Variants in RABGAP1L observed in about 807,000 individuals in gnomAD.
RABGAP1L encodes rab GTPase-activating protein 1-like.
A neutral mutation model predicts 137.7 loss-of-function variants in RABGAP1L; 63 were observed. The ratio of observed to expected loss-of-function variants is 0.46; its 90% CI spans 0.37 to 0.56. The LOEUF (loss-of-function observed/expected upper bound fraction) is 0.56. RABGAP1L is among the 20% of genes least tolerant of loss of function. The pLI, the probability that RABGAP1L is intolerant of heterozygous loss-of-function variation, is 0.00. For synonymous variants in RABGAP1L, 431 were observed against 433.7 expected (o/e 0.99, Z 0.08); for missense variants, 1,095 against 1,244.0 (o/e 0.88, Z 1.80).
At chr1:174,613,578 T>G (rs917857949) in intron 13 of RABGAP1L, among the ~76,000 whole-genome samples, 5 of 152,162 alleles carry the variant, frequency 3.3e-5, no homozygotes, top group Non-Finnish European at 5.9e-5. Context: ...TAGGTCTGCT[T>G]GGTGCAGAGC....
chr1:174,287,125 G>T (rs1380628516), intron 10 of RABGAP1L, among the ~76,000 whole-genome samples: 1 of 151,978 alleles, frequency 6.6e-6, no homozygotes, highest in Non-Finnish European at 1.5e-5. Flanking sequence ...GTCAAGAGTG[G>T]CATAATAAAG....
chr1:174,851,355 G>C (rs781005204), intron 19 of RABGAP1L, among the ~76,000 whole-genome samples: 4 of 152,168 alleles, frequency 2.6e-5, no homozygotes, highest in Non-Finnish European at 4.4e-5. Context: ...TCAGCCAGAG[G>C]CTGCATCGTT....
intron 11 of RABGAP1L, among the ~76,000 whole-genome samples, chr1:174,364,948 G>T (rs1037230653): frequency 1.3e-5 from 2 of 152,140 alleles, no homozygotes; most frequent in Non-Finnish European, 2.9e-5. Flanking sequence ...TGGAATTGAG[G>T]CCTCACGACT....
At chr1:174,622,937 T>C (rs368373448) in intron 13 of RABGAP1L, among the ~76,000 whole-genome samples, 7 of 152,200 alleles carry the variant, frequency 4.6e-5, no homozygotes, top group East Asian at 1.9e-4. Context: ...TGCATTCACT[T>C]TTCTTTGAAG....
At chr1:174,727,921 A>T (rs1340847340) in intron 17 of RABGAP1L, among the ~76,000 whole-genome samples, 2 of 152,324 alleles carry the variant, frequency 1.3e-5, no homozygotes, top group Middle Eastern at 3.4e-3. Context: ...ATTTCTTTGT[A>T]GAAGAGGAAA....
intron 19 of RABGAP1L, among the ~76,000 whole-genome samples, chr1:174,908,133 G>A (rs1225422571): frequency 6.6e-6 from 1 of 152,196 alleles, no homozygotes; most frequent in Non-Finnish European, 1.5e-5. Context: ...TTTGCACTCA[G>A]CACCAGAGTT....
At position 174,231,291 on chromosome 1, in the gene RABGAP1L, T is replaced by C. The variant is rs761398648; in HGVS notation, c.478T>C (p.Ser160Pro). ...TTTACGGGCAATGGCAACCATGAAA[T>C]CTTCCAGTCAATACCCCTTTCCTGT... ...EALRAMATMK[S>P]SSQYPFPVTL... is the part of the protein sequence containing the mutation. The change falls in exon 4 of 26, where the codon TCT becomes CCT. Residue 160 changes from serine (S) to proline (P), a missense_variant. By Grantham distance (74) the Ser-to-Pro change is moderately conservative. Around this residue, in one of 4 missense-constraint regions of RABGAP1L, gnomAD observed 356 missense variants for 326.3 expected, o/e 1.09. Coordinates refer to ENST00000681986, the MANE Select transcript of RABGAP1L (RefSeq NM_001366446.1). The C allele has an allele frequency of 1.2e-6, 2 of 1,614,162 alleles. No homozygotes were observed. Among genetic ancestry groups the C allele is most frequent in the East Asian group, 4.5e-5 (2 of 44,868 alleles).
chr1:174,955,904 A>C (rs1196703011), intron 19 of RABGAP1L, among the ~76,000 whole-genome samples: 1 of 152,248 alleles, frequency 6.6e-6, no homozygotes, highest in Admixed American at 6.5e-5. Context: ...CAACATAGCC[A>C]GACCCCATCT....
chr1:174,161,979 C>G (rs140446412), intron 1 of RABGAP1L, among the ~76,000 whole-genome samples: 3 of 151,814 alleles, frequency 2.0e-5, no homozygotes, highest in African/African-American at 7.3e-5. Context: ...GCAGTCCTTG[C>G]GCCTCAGCCT....
chr1:174,796,621 A>T (rs925585819), intron 18 of RABGAP1L, among the ~76,000 whole-genome samples: 1 of 152,152 alleles, frequency 6.6e-6, no homozygotes, highest in Admixed American at 6.6e-5. Context: ...TGATGGGGAA[A>T]CTGAAGTACA....
intron 18 of RABGAP1L, among the ~76,000 whole-genome samples, chr1:174,759,672 A>C (rs1349406290): frequency 2.0e-5 from 3 of 152,196 alleles, no homozygotes; most frequent in Non-Finnish European, 4.4e-5. Context: ...TAGTACTGAT[A>C]TCTGCTTCTG....
chr1:174,824,460 A>C (rs988726608), intron 19 of RABGAP1L, among the ~76,000 whole-genome samples: 1 of 151,938 alleles, frequency 6.6e-6, no homozygotes, highest in Non-Finnish European at 1.5e-5. Context: ...GTGCCACTGC[A>C]CTCTGGCCTG....
chr1:174,328,154 A>C (rs1287016005), intron 11 of RABGAP1L, among the ~76,000 whole-genome samples: 1 of 151,472 alleles, frequency 6.6e-6, no homozygotes, highest in Non-Finnish European at 1.5e-5. Context: ...ACAGAAAATT[A>C]ACATAGAAAA....
At chr1:174,413,211 T>G (rs1353179667) in intron 13 of RABGAP1L, among the ~76,000 whole-genome samples, 1 of 152,196 alleles carries the variant, frequency 6.6e-6, no homozygotes, top group African/African-American at 2.4e-5. Context: ...ACACTGGTCT[T>G]CAGGCTCTGA....
chr1:174,204,583 T>C (rs772022783), intron 1 of RABGAP1L, among the ~76,000 whole-genome samples: 9 of 152,164 alleles, frequency 5.9e-5, no homozygotes, highest in Non-Finnish European at 1.0e-4. Flanking sequence ...CTTCAGTACA[T>C]AGTTTACTGA....
intron 19 of RABGAP1L, among the ~76,000 whole-genome samples, chr1:174,853,454 G>A (rs886852571): frequency 2.0e-5 from 3 of 152,068 alleles, no homozygotes; most frequent in African/African-American, 7.2e-5. Context: ...GCTTTGGGCT[G>A]GTTGCAGTGG....
chr1:174,185,305 T>C (rs145901817), intron 1 of RABGAP1L, among the ~76,000 whole-genome samples: 31 of 152,344 alleles, frequency 2.0e-4, no homozygotes, highest in Admixed American at 1.8e-3. Context: ...CAAGTAAATA[T>C]ACCAACTGAG....
At chr1:174,864,955 A>G (rs1650943634) in intron 19 of RABGAP1L, among the ~76,000 whole-genome samples, 1 of 152,088 alleles carries the variant, frequency 6.6e-6, no homozygotes, top group Non-Finnish European at 1.5e-5. Context: ...TGTCTCTACA[A>G]AACCTACAAA....
At chr1:174,675,325 G>A (rs1176311174) in intron 14 of RABGAP1L, among the ~76,000 whole-genome samples, 2 of 151,334 alleles carry the variant, frequency 1.3e-5, no homozygotes, top group Non-Finnish European at 3.0e-5. Context: ...AGTTTTCCCA[G>A]CACCATTTAT....
Sources: allele counts gnomAD v4.1 joint callset (sites outside exome capture counted in the v4.1 genomes callset), GRCh38; gene constraint gnomAD v4.1.1; regional missense constraint gnomAD v4.1.1; transcripts MANE v1.5; gene names NCBI Gene and HGNC (gene_info 2026-07-23, HGNC 2026-07-21).